HEXA: variants seen among roughly 807,000 people sequenced by gnomAD.
HEXA encodes the protein hexosaminidase subunit alpha.
In HEXA, 54 loss-of-function variants were observed where a neutral mutation model predicts 73.3. That is an observed-to-expected ratio of 0.74 (90% CI 0.59 to 0.92). HEXA has a LOEUF of 0.92. Among genes scored for constraint, HEXA ranks in the 40% least tolerant of loss-of-function variants. HEXA has a pLI of 0.00. For missense variants in HEXA, 649 were observed against 653.0 expected, an observed-to-expected ratio of 0.99 and a Z score of 0.07; for synonymous variants, 230 against 246.9, an observed-to-expected ratio of 0.93 and a Z score of 0.64.
In HEXA at chr15:72,344,988, G is replaced by A. The variant is rs112806142; in HGVS notation, c.1526+458C>T. Among the ~76,000 whole-genome samples, 139 of 152,310 alleles carry A rather than the reference G, an allele frequency of 9.1e-4. 3 individuals are homozygous for A. Among genetic ancestry groups the A allele is most frequent in the African/African-American group, 3.1e-3 (130 of 41,566 alleles). On this transcript the variant is annotated intron_variant, in intron 13 of 13. Transcript: ENST00000268097. ...TGCACCTGTCTCATGGGGCTGTGGT[G>A]AAGACTAAATGAGACAATATTTGTA...
intron 9 of HEXA, 125 bp downstream of exon 9, chr15:72,347,923 G>T: frequency 1.0e-6 from 1 of 962,590 alleles, no homozygotes; most frequent in Admixed American, 2.0e-5. Context: ...GAAAGGATGG[G>T]ACAAAGGACA....
chr15:72,355,764 G>T, intron 2 of HEXA, 140 bp from the exon 3 acceptor site: 1 of 679,416 alleles, frequency 1.5e-6, no homozygotes, highest in Non-Finnish European at 2.7e-6. Flanking sequence ...TCAATGAGGA[G>T]ATGTCCCCAG....
chr15:72,371,604 A>G (rs55743646), intron 1 of HEXA, among the ~76,000 whole-genome samples: 6 of 93,888 alleles, frequency 6.4e-5, no homozygotes, highest in Non-Finnish European at 1.2e-4. Context: ...AAAAAAAAAA[A>G]AAAAAAAAAG....
At chr15:72,362,352 C>A (rs1220783950) in intron 1 of HEXA, 1 of 422,808 alleles carries the variant, frequency 2.4e-6, no homozygotes, top group Non-Finnish European at 4.8e-6. Flanking sequence ...TTAAGATATG[C>A]TGTTTATTTG....
At chr15:72,364,389 T>C (rs551708859) in intron 1 of HEXA, among the ~76,000 whole-genome samples, 2 of 152,190 alleles carry the variant, frequency 1.3e-5, no homozygotes, top group Admixed American at 1.3e-4. Flanking sequence ...TCAATATATA[T>C]AGATTTACAT....
At position 72,341,982 on chromosome 15, in the gene HEXA, GA is replaced by G. The variant is rs2088558763; in HGVS notation, c.*2094del. 6.6e-6 allele frequency: 1 copy of G among 152,136 alleles called. No individual in the cohort carries two copies. The highest frequency in any genetic ancestry group is 2.4e-5 in the African/African-American group (1 of 41,440). 9.4% of individuals were successfully genotyped at this position (152,136 alleles called of 1,614,324 possible). ...TCACGATCTCTGCCTTCATCCACTTGAGACTTAAAACTCAGTGTCTGCTATT... is the reference window on the plus strand; with the variant it reads ...TCACGATCTCTGCCTTCATCCACTTGGACTTAAAACTCAGTGTCTGCTATT... On this transcript the variant is annotated 3_prime_UTR_variant, in exon 14 of 14. Coordinates refer to ENST00000268097, the MANE Select transcript of HEXA (RefSeq NM_000520.6).
chr15:72,353,286 T>A (rs1407153661), intron 4 of HEXA, 108 bp from the exon 5 acceptor site: 2 of 743,834 alleles, frequency 2.7e-6, no homozygotes, highest in East Asian at 5.4e-5. Context: ...AATCTGTGAC[T>A]GTTCTCAGGG....
chr15:72,358,465 G>A (rs753440117), intron 1 of HEXA: 4 of 152,062 alleles, frequency 2.6e-5, no homozygotes, highest in Non-Finnish European at 5.9e-5. Flanking sequence ...CTAATCTTTC[G>A]ATTTTTAAAA....
intron 2 of HEXA, 100 bp downstream of exon 2, chr15:72,356,425 G>T: frequency 7.8e-7 from 1 of 1,286,482 alleles, no homozygotes; most frequent in Non-Finnish European, 1.1e-6. Context: ...GGTCAAGGGG[G>T]ACTCCAGGCC....
chr15:72,362,473 AAATG>A (rs754127431), intron 1 of HEXA: 100 of 455,776 alleles, frequency 2.2e-4, no homozygotes, highest in Non-Finnish European at 3.7e-4. Flanking sequence ...TTTGCTGAAA[AAATG>A]AATGATGTTG....
chr15:72,356,111 G>A (rs954808899), intron 2 of HEXA: 15 of 383,950 alleles, frequency 3.9e-5, no homozygotes, highest in Non-Finnish European at 6.1e-5. Flanking sequence ...TTTGGAGACT[G>A]AGAAGTCCCC....
chr15:72,369,804 A>G (rs192819069), intron 1 of HEXA, among the ~76,000 whole-genome samples: 1 of 152,352 alleles, frequency 6.6e-6, no homozygotes, highest in East Asian at 1.9e-4. Context: ...GCTAAGAAAC[A>G]GACAACATGC....
At chr15:72,355,955 C>A (rs1363557489) in intron 2 of HEXA, 1 of 483,808 alleles carries the variant, frequency 2.1e-6, no homozygotes. Flanking sequence ...AAGTCTTCTC[C>A]TGGCAAAGGG....
chr15:72,355,613 T>C lies in HEXA; in HGVS notation c.358A>G (p.Ile120Val), dbSNP rs1567300305. Reference sequence around the variant, plus strand: ...AGGAGTAAACACTGGTCATCATTTATGGTCAGGGTATCTGAAATGACAGAA... The same window carrying C: ...AGGAGTAAACACTGGTCATCATTTACGGTCAGGGTATCTGAAATGACAGAA... ...LESVENYTLT[I>V]NDDQCLLLSE... is the part of the protein sequence containing the mutation. Residue 120 changes from isoleucine (I) to valine (V), a missense_variant, in exon 3 of 14, where the codon ATA becomes GTA. Coordinates refer to ENST00000268097, the MANE Select transcript of HEXA (RefSeq NM_000520.6). 1.9e-6 allele frequency: 3 copies of C among 1,610,522 alleles called. No individual in the cohort carries two copies. The highest frequency in any genetic ancestry group is 1.3e-5 in the African/African-American group (1 of 74,922).
rs377376550 is a variant in HEXA at position 72,355,648 on chromosome 15, T to C, written c.347-24A>G. 35 of 1,532,108 alleles carry C rather than the reference T, an allele frequency of 2.3e-5. No individual in the cohort carries two copies. In the African/African-American group the frequency reaches 3.7e-4, roughly 16 times the overall value. 94.9% of individuals were successfully genotyped at this position (1,532,108 alleles called of 1,614,324 possible). A position where few individuals can be genotyped will look rare whatever the true frequency, so the allele number is the denominator to read the frequency against. On this transcript the variant is annotated intron_variant, in intron 2 of 13. Coordinates refer to ENST00000268097, the MANE Select transcript of HEXA (RefSeq NM_000520.6). ...ATCTGAAATGACAGAAATGAACTCA[T>C]TTAGTTGGTTAAGGTTTTCTATTCT...
intron 1 of HEXA, among the ~76,000 whole-genome samples, chr15:72,373,949 A>T (rs1251462906): frequency 6.6e-6 from 1 of 151,648 alleles, no homozygotes; most frequent in Non-Finnish European, 1.5e-5. Flanking sequence ...CAGTGAGCCA[A>T]GATCGTATCA....
At chr15:72,370,569 T>C (rs2140339878) in intron 1 of HEXA, 2 of 398,304 alleles carry the variant, frequency 5.0e-6, no homozygotes, top group African/African-American at 2.1e-5. Context: ...TGCGGTGGCA[T>C]GCGTCTGTAG....
At chr15:72,347,970 G>C in intron 9 of HEXA, 78 bp downstream of exon 9, 1 of 1,083,324 alleles carries the variant, frequency 9.2e-7, no homozygotes, top group Non-Finnish European at 1.4e-6. Flanking sequence ...GGCCAAGCAG[G>C]GCCTGACTCG....
At chr15:72,349,300 T>C in intron 7 of HEXA, 41 bp from the exon 8 acceptor site, 1 of 1,499,872 alleles carries the variant, frequency 6.7e-7, no homozygotes, top group Non-Finnish European at 9.3e-7. Context: ...CACAAATACA[T>C]AAACCCCCAC....
Sources: gnomAD v4.1 joint callset for allele counts (sites outside exome capture counted in the v4.1 genomes callset) on GRCh38, gnomAD v4.1.1 for gene constraint, MANE v1.5 for transcripts, NCBI Gene and HGNC (gene_info 2026-07-23, HGNC 2026-07-21) for gene names.